The following GTF3C1 variants were observed in gnomAD, a reference collection of about 807,000 sequenced individuals.
GTF3C1 encodes the protein general transcription factor IIIC subunit 1.
GTF3C1 carries 57 observed loss-of-function variants against 226.7 expected under a neutral mutation model. The observed-to-expected ratio is 0.25, with a 90% confidence interval of 0.20 to 0.31. The LOEUF (loss-of-function observed/expected upper bound fraction) is 0.31. Ranked by LOEUF, GTF3C1 falls within the 10% of genes least tolerant of loss-of-function variation. The pLI is 1.00. For missense variants in GTF3C1, 2,217 were observed against 2,776.1 expected (o/e 0.80, Z 4.53); for synonymous variants, 1,090 against 1,084.8 (o/e 1.00, Z -0.09).
rs1304708825 is a variant in GTF3C1, at chr16:27,463,822, C to T, written c.5873-230G>A. 4.9e-5 allele frequency: 27 copies of T among 550,466 alleles called. No individual in the cohort carries two copies. The highest frequency in any genetic ancestry group is 7.9e-5 in the Non-Finnish European group (25 of 314,514). 34.1% of individuals were successfully genotyped at this position (550,466 alleles called of 1,614,324 possible). A position where few individuals can be genotyped will look rare whatever the true frequency, so the allele number is the denominator to read the frequency against. On this transcript the variant is annotated intron_variant, in intron 34 of 36. Coordinates refer to ENST00000356183, the MANE Select transcript of GTF3C1 (RefSeq NM_001520.4). This position sits in a 1 kb window ranked among gnomAD's most constrained non-coding sequence, Gnocchi z 4.9. ...ATGCAAGCAGCGTCCCAGGCCCGGA[C>T]AAGCCCCACATTGCAGGAAGCCAGC... is the stretch of plus-strand genomic sequence containing the variant.
At chr16:27,481,401 G>T (rs1001858227) in intron 26 of GTF3C1, among the ~76,000 whole-genome samples, 1 of 152,034 alleles carries the variant, frequency 6.6e-6, no homozygotes, top group Non-Finnish European at 1.5e-5. Context: ...TCACCACTAC[G>T]CTCAGGAAAC....
rs1011601600 is a variant in GTF3C1 at position 27,462,235 on chromosome 16, G to C, written c.6117+59C>G. 6.5e-6 allele frequency: 8 copies of C among 1,227,498 alleles called. No individual in the cohort carries two copies. In the South Asian group the frequency reaches 1.1e-4, roughly 17 times the overall value. The allele number at this position is 1,227,498 out of a possible 1,614,324, so 76.0% of individuals were successfully genotyped here. ...TGCCTGGGGCCTGAACATCACAGCC[G>C]GGCCACTGAGTGCACCCAGCCGCCT... is the stretch of plus-strand genomic sequence containing the variant. On this transcript the variant is annotated intron_variant, in intron 36 of 36. Transcript: ENST00000356183. The surrounding 1 kb of genome is among the most constrained non-coding windows in gnomAD (Gnocchi z 4.5).
chr16:27,469,617 T>A lies in GTF3C1; in HGVS notation c.4815-67A>T. On this transcript the variant is annotated intron_variant, in intron 31 of 36. Coordinates refer to ENST00000356183, the MANE Select transcript of GTF3C1 (RefSeq NM_001520.4). The surrounding 1 kb of genome is among the most constrained non-coding windows in gnomAD (Gnocchi z 4.5). ...CCAGTTGCTACTGCAGCCTCTCCCC[T>A]CCCTCAAGAGGCCTCTGTGGCTGGG... is the stretch of plus-strand genomic sequence containing the variant. 6.5e-7 allele frequency: 1 copy of A among 1,532,840 alleles called. No individual in the cohort carries two copies. Among genetic ancestry groups the A allele is most frequent in the Non-Finnish European group, 8.9e-7 (1 of 1,123,506 alleles). The allele number at this position is 1,532,840 out of a possible 1,614,324, so 95.0% of individuals were successfully genotyped here. A position where few individuals can be genotyped will look rare whatever the true frequency, so the allele number is the denominator to read the frequency against.
intron 27 of GTF3C1, among the ~76,000 whole-genome samples, chr16:27,479,673 T>C (rs2088009092): frequency 6.6e-6 from 1 of 152,184 alleles, no homozygotes; most frequent in South Asian, 2.1e-4. Context: ...TTCACCATGT[T>C]GGCCAGGCTG....
intron 11 of GTF3C1, 100 bp downstream of exon 11, chr16:27,502,759 T>G: frequency 8.1e-7 from 1 of 1,233,050 alleles, no homozygotes; most frequent in Non-Finnish European, 1.1e-6. Flanking sequence ...GGACAGAGAT[T>G]TGAATGCCCC....
intron 7 of GTF3C1, among the ~76,000 whole-genome samples, chr16:27,510,853 G>T (rs913069280): frequency 6.6e-6 from 1 of 152,172 alleles, no homozygotes; most frequent in African/African-American, 2.4e-5. Context: ...CATAAATTCC[G>T]GGCCTGTGGT....
rs750603013 is a variant in GTF3C1, at chr16:27,464,650, C to G, written c.5542G>C (p.Glu1848Gln). The G allele has an allele frequency of 6.6e-7, 1 of 1,520,262 alleles. No individual in the cohort carries two copies. Among genetic ancestry groups the G allele is most frequent in the Non-Finnish European group, 8.8e-7 (1 of 1,137,416 alleles). 94.2% of individuals were successfully genotyped at this position (1,520,262 alleles called of 1,614,324 possible). A position where few individuals can be genotyped will look rare whatever the true frequency, so the allele number is the denominator to read the frequency against. The change falls in exon 34 of 37, where the codon GAG becomes CAG. Residue 1848 changes from glutamate (E) to glutamine (Q), a missense_variant. By Grantham distance (29) the Glu-to-Gln change is conservative. Around this residue, in one of 12 missense-constraint regions of GTF3C1, gnomAD observed 455 missense variants for 441.9 expected, o/e 1.03. Transcript: ENST00000356183. ...EGSSSEDSPP[E>Q]GQAPPSHSPR... The stretch of plus-strand genomic sequence containing the variant: ...CTGTGAGAAGGAGGTGCCTGCCCCT[C>G]GGGGGGGCTGTCCTCACTGGAAGAC...
At chr16:27,544,074 C>T (rs2089128703) in intron 2 of GTF3C1, among the ~76,000 whole-genome samples, 1 of 152,082 alleles carries the variant, frequency 6.6e-6, no homozygotes, top group African/African-American at 2.4e-5. Context: ...TGTTCATGTG[C>T]TGAAGGGAAA....
intron 4 of GTF3C1, 105 bp downstream of exon 4, chr16:27,537,679 A>AT: frequency 2.6e-6 from 2 of 768,562 alleles, no homozygotes; most frequent in Non-Finnish European, 4.3e-6. Flanking sequence ...AAGGGCTATG[A>AT]TTACAGGTAT....
chr16:27,533,710 A>G (rs2088956565), intron 4 of GTF3C1, among the ~76,000 whole-genome samples: 1 of 152,210 alleles, frequency 6.6e-6, no homozygotes. Flanking sequence ...GAAGTATCAC[A>G]CATATCTTCT....
intron 14 of GTF3C1, among the ~76,000 whole-genome samples, chr16:27,497,300 A>G (rs2088333904): frequency 6.6e-6 from 1 of 152,256 alleles, no homozygotes; most frequent in South Asian, 2.1e-4. Context: ...GAGTTGGGAC[A>G]GGAAGAAATT....
chr16:27,538,254 G>A lies in GTF3C1; in HGVS notation c.534C>T (p.Tyr178=). Residue 178 remains tyrosine (Y), a synonymous_variant, in exon 3 of 37, where the codon TAC becomes TAT. Coordinates refer to ENST00000356183, the MANE Select transcript of GTF3C1 (RefSeq NM_001520.4). The stretch of plus-strand genomic sequence containing the variant: ...ACCGGCCTAGCCGTTCCAGGATGCA[G>A]TAGGAGAAGTCGGGCAGCTTCAGGT... ...DPDLKLPDFS[Y]CILERLGRSR... The A allele has an allele frequency of 6.2e-7, 1 of 1,611,628 alleles. No homozygotes were observed. Among genetic ancestry groups the A allele is most frequent in the Non-Finnish European group, 8.5e-7 (1 of 1,177,698 alleles).
chr16:27,462,329 C>T lies in GTF3C1; in HGVS notation c.6082G>A (p.Val2028Ile). 6.4e-7 allele frequency: 1 copy of T among 1,565,016 alleles called. No individual in the cohort carries two copies. Among genetic ancestry groups the T allele is most frequent in the Non-Finnish European group, 8.7e-7 (1 of 1,155,040 alleles). Residue 2028 changes from valine to isoleucine, a missense_variant, in exon 36 of 37, where the codon GTC (valine) becomes ATC (isoleucine). This residue lies in a region of GTF3C1 where 153 missense variants were observed against 199.8 expected (regional missense o/e 0.77). Transcript: ENST00000356183. This position sits in a 1 kb window ranked among gnomAD's most constrained non-coding sequence, Gnocchi z 4.5. ...TCCAGCACGGCGACGGGCTGCAGGA[C>T]CCCCTGGTAGTGGCGCAGCAGGGAG... ...ESSLLRHYQG[V>I]LQPVAVLELL...
intron 26 of GTF3C1, chr16:27,482,502 C>T: frequency 2.2e-6 from 1 of 456,114 alleles, no homozygotes; most frequent in Non-Finnish European, 4.4e-6. Context: ...CTCTGTCTGT[C>T]CCACTCGCCT....
chr16:27,495,450 G>A lies in GTF3C1; in HGVS notation c.2393C>T (p.Pro798Leu), dbSNP rs756081365. Residue 798 changes from proline to leucine, a missense_variant, in exon 15 of 37, where the codon CCT becomes CTT. This residue lies in a region of GTF3C1 where 100 missense variants were observed against 139.9 expected (regional missense o/e 0.71). Transcript: ENST00000356183. ...GRSLGFLPKM[P>L]RLRVVHMFLW... ...AAACATGTGGACCACCCGCAGGCGA[G>A]GCATTTTGGGCAGAAATCCTAGAGA... The A allele has an allele frequency of 6.2e-7, 1 of 1,614,018 alleles. No homozygotes were observed. The highest frequency in any genetic ancestry group is 8.5e-7 in the Non-Finnish European group (1 of 1,179,964).
At chr16:27,523,071 C>T (rs2088774950) in intron 6 of GTF3C1, among the ~76,000 whole-genome samples, 1 of 152,170 alleles carries the variant, frequency 6.6e-6, no homozygotes, top group Non-Finnish European at 1.5e-5. Context: ...GCCAGTTGAC[C>T]ACCTCAGTCA....
rs535420010 is a variant in GTF3C1 at position 27,481,663 on chromosome 16, C to T, written c.4084-472G>A. Among the ~76,000 whole-genome samples the T allele has an allele frequency of 3.9e-5, 6 of 152,186 alleles. No homozygotes were observed. The South Asian group carries it at 8.3e-4, about 21-fold the overall frequency. On this transcript the variant is annotated intron_variant, in intron 26 of 36. Transcript: ENST00000356183. ...CGCACTGCATCATCTCAGTCCAGAC[C>T]CAGATCTGAGGAGCAAGCTGGTTGC...
Position 27,489,188 on chromosome 16 carries a change from A to G in GTF3C1, c.3294-10T>C. On this transcript the variant is annotated splice_polypyrimidine_tract_variant and intron_variant, in intron 20 of 36. Coordinates refer to ENST00000356183, the MANE Select transcript of GTF3C1 (RefSeq NM_001520.4). ...CACCTCACGGCTTCCACTAAAAGAC[A>G]GGAAATCAACAGAAAAGAGCCCTTC... 1 of 1,613,820 alleles carries G rather than the reference A, an allele frequency of 6.2e-7. No individual in the cohort carries two copies. Among genetic ancestry groups the G allele is most frequent in the South Asian group, 1.1e-5 (1 of 91,072 alleles).
At chr16:27,488,507 G>C (rs1378486257) in intron 22 of GTF3C1, 47 bp downstream of exon 22, 1 of 1,570,852 alleles carries the variant, frequency 6.4e-7, no homozygotes, top group Non-Finnish European at 8.8e-7. Flanking sequence ...TTTAGGCCCT[G>C]AACTGGTACC....
Sources: allele counts gnomAD v4.1 joint callset (sites outside exome capture counted in the v4.1 genomes callset), GRCh38; gene constraint gnomAD v4.1.1; regional missense constraint gnomAD v4.1.1; non-coding constraint Gnocchi (gnomAD v3.1); transcripts MANE v1.5; gene names NCBI Gene and HGNC (gene_info 2026-07-23, HGNC 2026-07-21).